FBXL17: variants seen among roughly 807,000 people sequenced by gnomAD.
FBXL17 encodes F-box/LRR-repeat protein 17.
In FBXL17, 22 loss-of-function variants were observed where a neutral mutation model predicts 66.2. That is an observed-to-expected ratio of 0.33 (90% CI 0.24 to 0.47). The LOEUF (loss-of-function observed/expected upper bound fraction) is 0.47. Ranked by LOEUF, FBXL17 falls within the 20% of genes least tolerant of loss-of-function variation. The pLI, the probability that FBXL17 is intolerant of heterozygous loss-of-function variation, is 1.00. For missense variants in FBXL17, 878 were observed against 948.2 expected (o/e 0.93, Z 0.97); for synonymous variants, 474 against 400.5 (o/e 1.18, Z -2.19).
chr5:107,929,055 A>G (rs1202343931), intron 7 of FBXL17, among the ~76,000 whole-genome samples: 1 of 152,168 alleles, frequency 6.6e-6, no homozygotes, highest in Non-Finnish European at 1.5e-5. Context: ...AGTAGAGGGG[A>G]AATAACACAA....
At chr5:108,302,585 G>A (rs1758642399) in intron 4 of FBXL17, among the ~76,000 whole-genome samples, 1 of 151,620 alleles carries the variant, frequency 6.6e-6, no homozygotes, top group Non-Finnish European at 1.5e-5. Flanking sequence ...CTGTAATTAA[G>A]ATAATTTTCC....
At chr5:108,053,211 TAA>T (rs1747549971) in intron 6 of FBXL17, among the ~76,000 whole-genome samples, 2 of 151,922 alleles carry the variant, frequency 1.3e-5, no homozygotes, top group South Asian at 4.2e-4. Context: ...CTAATTAAAC[TAA>T]AGAGTATCTG....
intron 6 of FBXL17, among the ~76,000 whole-genome samples, chr5:108,055,272 A>C (rs905829287): frequency 1.5e-5 from 2 of 136,462 alleles, no homozygotes; most frequent in African/African-American, 2.8e-5. Context: ...AATGACATAG[A>C]ATTTTTAGAA....
intron 6 of FBXL17, among the ~76,000 whole-genome samples, chr5:108,051,573 A>T (rs1747475111): frequency 6.6e-6 from 1 of 152,200 alleles, no homozygotes; most frequent in Non-Finnish European, 1.5e-5. Context: ...AATAAACTAG[A>T]TATTGATGAA....
chr5:108,206,186 T>C (rs1754110209), intron 5 of FBXL17, among the ~76,000 whole-genome samples: 1 of 152,198 alleles, frequency 6.6e-6, no homozygotes, highest in South Asian at 2.1e-4. Context: ...ATTCCTCTTT[T>C]CATTTGTCAC....
intron 6 of FBXL17, among the ~76,000 whole-genome samples, chr5:108,142,142 C>T (rs1409518795): frequency 2.0e-5 from 3 of 152,156 alleles, no homozygotes; most frequent in Non-Finnish European, 4.4e-5. Context: ...AAAACACAAA[C>T]ACATTCTAAC....
rs549265497 is a variant in FBXL17, at chr5:108,232,527, C to A, written c.1507-8299G>T. ...GAGTCAGTGGGCTGGGGAAGGCAGA[C>A]CCACCCTTACTCTGGTGGGCACCAT... is the stretch of plus-strand genomic sequence containing the variant. On this transcript the variant is annotated intron_variant, in intron 4 of 8. Coordinates refer to ENST00000542267, the MANE Select transcript of FBXL17 (RefSeq NM_001163315.3). Among the ~76,000 whole-genome samples, 203 of 151,732 alleles carry A rather than the reference C, an allele frequency of 1.3e-3. 1 individual carries two copies. Among genetic ancestry groups the A allele is most frequent in the African/African-American group, 4.5e-3 (188 of 41,342 alleles).
intron 4 of FBXL17, among the ~76,000 whole-genome samples, chr5:108,235,623 T>C (rs539043903): frequency 5.9e-5 from 9 of 152,320 alleles, no homozygotes; most frequent in African/African-American, 2.2e-4. Flanking sequence ...AATCCTCCAG[T>C]GGTACTCTTA....
intron 6 of FBXL17, among the ~76,000 whole-genome samples, chr5:108,076,508 T>C (rs1243081663): frequency 6.6e-6 from 1 of 152,100 alleles, no homozygotes. Context: ...TACAGGAAAT[T>C]TGTTTTTGTT....
rs540574528 is a variant in FBXL17, at chr5:108,325,608, A to G, written c.1506+22791T>C. 2.3e-4 allele frequency among the ~76,000 whole-genome samples: 35 copies of G among 152,312 alleles called. No individual in the cohort carries two copies. In the South Asian group the frequency reaches 6.2e-3, roughly 27 times the overall value. The stretch of plus-strand genomic sequence containing the variant: ...TTAACATAGCAGGTCCCACCTCACC[A>G]TCTATAATAGAGCTTAAATCAGTTC... On this transcript the variant is annotated intron_variant, in intron 4 of 8. Transcript: ENST00000542267.
chr5:108,267,148 T>C (rs888697624), intron 4 of FBXL17, among the ~76,000 whole-genome samples: 1 of 152,068 alleles, frequency 6.6e-6, no homozygotes, highest in Non-Finnish European at 1.5e-5. Context: ...ATAATGGATA[T>C]CACTAAAAAT....
chr5:107,878,901 C>T (rs992450677), intron 8 of FBXL17: 2 of 985,476 alleles, frequency 2.0e-6, no homozygotes, highest in Non-Finnish European at 1.2e-6. Context: ...CAGACGGCGT[C>T]GTGCTGGAGC....
chr5:108,072,455 G>A (rs771752921), intron 6 of FBXL17, among the ~76,000 whole-genome samples: 4 of 152,220 alleles, frequency 2.6e-5, no homozygotes, highest in Admixed American at 6.5e-5. Flanking sequence ...TGTAATCCCA[G>A]CACTTTGGGA....
chr5:108,304,491 C>T (rs892046005), intron 4 of FBXL17, among the ~76,000 whole-genome samples: 1 of 151,910 alleles, frequency 6.6e-6, no homozygotes, highest in Non-Finnish European at 1.5e-5. Context: ...ATTTCCCCTA[C>T]TTAAATGAAA....
intron 6 of FBXL17, among the ~76,000 whole-genome samples, chr5:108,099,822 C>T (rs1413673274): frequency 6.6e-6 from 1 of 152,220 alleles, no homozygotes; most frequent in Non-Finnish European, 1.5e-5. Context: ...ATATTCTTAA[C>T]TCCTGCTTCA....
At chr5:107,872,967 A>G (rs1203436373) in intron 8 of FBXL17, among the ~76,000 whole-genome samples, 1 of 152,136 alleles carries the variant, frequency 6.6e-6, no homozygotes. Flanking sequence ...CTGCCAAGAG[A>G]TGGGGGAAGT....
intron 6 of FBXL17, among the ~76,000 whole-genome samples, chr5:108,125,296 A>G (rs1283982832): frequency 6.6e-6 from 1 of 152,068 alleles, no homozygotes; most frequent in Non-Finnish European, 1.5e-5. Context: ...CCTACTATGT[A>G]CCTGTAAAAA....
chr5:107,946,255 T>TTTTATATATATA (rs1208616623), intron 7 of FBXL17, among the ~76,000 whole-genome samples: 2 of 40,400 alleles, frequency 5.0e-5, no homozygotes, highest in East Asian at 4.7e-4. Flanking sequence ...CAATCTCATT[T>TTTTATATATATA]TATATATATA....
At chr5:108,001,351 C>T (rs886943948) in intron 7 of FBXL17, among the ~76,000 whole-genome samples, 5 of 151,914 alleles carry the variant, frequency 3.3e-5, no homozygotes, top group Non-Finnish European at 7.4e-5. Context: ...GAATTAATCC[C>T]TAATTAAATT....
Sources: allele counts gnomAD v4.1 joint callset (sites outside exome capture counted in the v4.1 genomes callset), GRCh38; gene constraint gnomAD v4.1.1; transcripts MANE v1.5; gene names NCBI Gene and HGNC (gene_info 2026-07-23, HGNC 2026-07-21).